RBM25: variants seen among roughly 807,000 people sequenced by gnomAD.
RBM25 encodes RNA-binding protein 25.
In RBM25, 19 loss-of-function variants were observed where a neutral mutation model predicts 120.7. The ratio of observed to expected loss-of-function variants is 0.16; its 90% confidence interval spans 0.11 to 0.23. RBM25 has a LOEUF of 0.23. Ranked by LOEUF, RBM25 falls within the 10% of genes least tolerant of loss-of-function variation. The pLI, the probability that RBM25 is intolerant of heterozygous loss-of-function variation, is 1.00. For missense variants in RBM25, 605 were observed against 1,041.5 expected (o/e 0.58, Z 5.77); for synonymous variants, 390 against 326.7 (o/e 1.19, Z -2.09).
rs879453248 is a variant in RBM25 at position 73,114,933 on chromosome 14, C to G, written c.2439+600C>G. On this transcript the variant is annotated intron_variant, in intron 18 of 18. Transcript: ENST00000261973. ...AGGCTTCATTCTTTTCCACCAGTTC[C>G]ATTCATGTTTTCCCTATGCCCAGCA... is the stretch of plus-strand genomic sequence containing the variant. Among the ~76,000 whole-genome samples the G allele has an allele frequency of 2.4e-3, 369 of 152,162 alleles. 6 individuals are homozygous for G. Among genetic ancestry groups the G allele is most frequent in the Non-Finnish European group, 3.2e-4 (22 of 68,026 alleles).
intron 2 of RBM25, among the ~76,000 whole-genome samples, chr14:73,073,469 C>T (rs911502831): frequency 4.6e-5 from 7 of 152,182 alleles, no homozygotes; most frequent in Non-Finnish European, 1.0e-4. Flanking sequence ...GAGTGGATCA[C>T]CTGAGTTCAG....
chr14:73,071,778 A>T (rs1414746504), intron 2 of RBM25, 31 bp downstream of exon 2: 1 of 1,526,606 alleles, frequency 6.6e-7, no homozygotes. Flanking sequence ...TTTTGTCGTT[A>T]AACTTGTACT....
At chr14:73,119,040 A>AT (rs1289021649) in intron 18 of RBM25, among the ~76,000 whole-genome samples, 1 of 152,070 alleles carries the variant, frequency 6.6e-6, no homozygotes, top group Non-Finnish European at 1.5e-5. Flanking sequence ...AAGTGCTGGG[A>AT]TTATAGGTGT....
At position 73,091,688 on chromosome 14, in the gene RBM25, A is replaced by T. The variant is rs748451722; in HGVS notation, c.543+3527A>T. Among the ~76,000 whole-genome samples, 9 of 151,962 alleles carry T rather than the reference A, an allele frequency of 5.9e-5. No individual in the cohort carries two copies. The South Asian group carries it at 1.9e-3, about 32-fold the overall frequency. On this transcript the variant is annotated intron_variant, in intron 6 of 18. Transcript: ENST00000261973. ...GGAGTTTGAAACCAGCCTGGCCAAC[A>T]TGGTGGAACTCCATCTCTACTAAAA...
At chr14:73,089,943 C>A in intron 6 of RBM25, among the ~76,000 whole-genome samples, 1 of 152,246 alleles carries the variant, frequency 6.6e-6, no homozygotes, top group Non-Finnish European at 1.5e-5. Flanking sequence ...CCACTCCACC[C>A]GGTCAGCATT....
intron 1 of RBM25, chr14:73,068,488 C>A: frequency 1.1e-6 from 1 of 886,234 alleles, no homozygotes; most frequent in Non-Finnish European, 1.8e-6. Flanking sequence ...GACGTATTGT[C>A]AGTGTGCCGC....
chr14:73,069,746 T>TAAAAAAAAAAAAAAAAAAAAA lies in RBM25; in HGVS notation c.-15-1868_-15-1848dup, dbSNP rs57669015. On this transcript the variant is annotated intron_variant, in intron 1 of 18. Transcript: ENST00000261973. ...ACCGTGCCTGGCCGACCCTGTTTCT[T>TAAAAAAAAAAAAAAAAAAAAA]AAAAAAAAAAAAAAAAAAAAAAAAA... 11 of 44,160 alleles carry TAAAAAAAAAAAAAAAAAAAAA rather than the reference T, an allele frequency of 2.5e-4. 1 individual carries two copies. Among genetic ancestry groups the TAAAAAAAAAAAAAAAAAAAAA allele is most frequent in the East Asian group, 3.9e-3 (2 of 516 alleles). 2.7% of individuals were successfully genotyped at this position (44,160 alleles called of 1,614,324 possible). A position where few individuals can be genotyped will look rare whatever the true frequency, so the allele number is the denominator to read the frequency against.
chr14:73,101,937 A>G (rs545572999), intron 9 of RBM25: 7 of 152,310 alleles, frequency 4.6e-5, no homozygotes, highest in African/African-American at 7.2e-5. Context: ...TGTAATTTCA[A>G]TGTATTCAGT....
intron 18 of RBM25, among the ~76,000 whole-genome samples, chr14:73,119,432 G>T (rs12897463): frequency 7.9e-5 from 12 of 151,904 alleles, no homozygotes; most frequent in African/African-American, 2.9e-4. Context: ...TGCCCAGCTA[G>T]TTTTTTGTAT....
At chr14:73,066,849 A>T (rs935864509) in intron 1 of RBM25, among the ~76,000 whole-genome samples, 4 of 152,118 alleles carry the variant, frequency 2.6e-5, no homozygotes, top group Non-Finnish European at 5.9e-5. Flanking sequence ...ATGTCTAGTA[A>T]ACAGGTAAAC....
intron 6 of RBM25, 104 bp from the exon 7 acceptor site, chr14:73,096,811 A>T: frequency 1.1e-6 from 1 of 945,710 alleles, no homozygotes; most frequent in Non-Finnish European, 1.6e-6. Context: ...AGGACTACAG[A>T]GATGTTTTTG....
At chr14:73,114,394 T>G (rs918065642) in intron 18 of RBM25, 61 bp downstream of exon 18, 42 of 1,296,232 alleles carry the variant, frequency 3.2e-5, no homozygotes, top group South Asian at 2.5e-4. Flanking sequence ...TGGTTTTTTT[T>G]GTCTTAAAAT....
rs757347001 is a variant in RBM25, at chr14:73,099,770, A to G, written c.867+20A>G. ...CATAAGGTAGTATTCTTGTCTTTTC[A>G]CTTGATACCAATCTAGACTTTTTAC... On this transcript the variant is annotated intron_variant, in intron 9 of 18. Coordinates refer to ENST00000261973, the MANE Select transcript of RBM25 (RefSeq NM_021239.3). 3.2e-6 allele frequency: 5 copies of G among 1,586,096 alleles called. No homozygotes were observed. The highest frequency in any genetic ancestry group is 1.2e-5 in the South Asian group (1 of 84,726).
Position 73,061,293 on chromosome 14 carries a change from A to AG in RBM25, c.-16+2590dup, listed in dbSNP as rs1208788183. 4.6e-5 allele frequency among the ~76,000 whole-genome samples: 7 copies of AG among 151,122 alleles called. No homozygotes were observed. The East Asian group carries it at 1.4e-3, about 29-fold the overall frequency. ...GGCTGGTCTTGGAACTTCTGACCTC[A>AG]GGTGATCCACCCGCCTTGGCCTCCC... On this transcript the variant is annotated intron_variant, in intron 1 of 18. Coordinates refer to ENST00000261973, the MANE Select transcript of RBM25 (RefSeq NM_021239.3).
Position 73,111,624 on chromosome 14 carries a change from A to G in RBM25, c.2114A>G (p.Asp705Gly), listed in dbSNP as rs1028174029. 2 of 1,614,044 alleles carry G rather than the reference A, an allele frequency of 1.2e-6. No individual in the cohort carries two copies. Among genetic ancestry groups the G allele is most frequent in the Non-Finnish European group, 1.7e-6 (2 of 1,180,016 alleles). The change falls in exon 16 of 19, where the codon GAC (aspartate) becomes GGC (glycine). Residue 705 changes from aspartate to glycine, a missense_variant. Asp to Gly is a moderately conservative substitution (Grantham distance 94). Around this residue, in one of 4 missense-constraint regions of RBM25, gnomAD observed 465 missense variants for 741.6 expected, o/e 0.63. Coordinates refer to ENST00000261973, the MANE Select transcript of RBM25 (RefSeq NM_021239.3). ...AAATTTGAGGATGAAGACAGTGATG[A>G]CGTACCCCGAAAAAGGAAACTGGTT... ...FNKFEDEDSD[D>G]VPRKRKLVPL...
chr14:73,105,025 T>C (rs187090522), intron 10 of RBM25, among the ~76,000 whole-genome samples: 1 of 54,280 alleles, frequency 1.8e-5, no homozygotes, highest in African/African-American at 6.7e-5. Flanking sequence ...ATATTTCATA[T>C]ATACATATTA....
intron 4 of RBM25, among the ~76,000 whole-genome samples, chr14:73,078,875 AT>A (rs1895488571): frequency 1.3e-5 from 2 of 152,216 alleles, no homozygotes; most frequent in African/African-American, 4.8e-5. Flanking sequence ...AAGTGTTGAG[AT>A]TACACGCGTG....
chr14:73,115,014 G>C (rs760961730), intron 18 of RBM25, among the ~76,000 whole-genome samples: 21 of 152,218 alleles, frequency 1.4e-4, no homozygotes, highest in Admixed American at 3.9e-4. Flanking sequence ...AGAGAGATAG[G>C]TATACAGGTA....
intron 1 of RBM25, 41 bp from the exon 2 acceptor site, chr14:73,071,586 G>C: frequency 7.2e-7 from 1 of 1,388,282 alleles, no homozygotes; most frequent in South Asian, 1.2e-5. Flanking sequence ...AAATTGTGAC[G>C]TTTTCAAATA....
Sources: gnomAD v4.1 joint callset for allele counts (sites outside exome capture counted in the v4.1 genomes callset) on GRCh38, gnomAD v4.1.1 for gene constraint, gnomAD v4.1.1 regional missense constraint, MANE v1.5 for transcripts, NCBI Gene and HGNC (gene_info 2026-07-23, HGNC 2026-07-21) for gene names.